Variants in ZEB1 observed in about 807,000 individuals in gnomAD.
ZEB1 encodes zinc finger E-box-binding homeobox 1.
Under a neutral mutation model 84.9 loss-of-function variants are expected in ZEB1, and 21 were observed. The observed-to-expected ratio is 0.25, with a 90% confidence interval of 0.18 to 0.36. The LOEUF (loss-of-function observed/expected upper bound fraction) is 0.36, where lower values mean the gene tolerates loss of function less well. Ranked by LOEUF, ZEB1 falls within the 10% of genes least tolerant of loss-of-function variation. The probability of loss-of-function intolerance (pLI) is 1.00; values close to 1 mark genes in which losing one functional copy is unlikely to be tolerated. For synonymous variants in ZEB1, 420 were observed against 471.1 expected (o/e 0.89, Z 1.41); for missense variants, 1,104 against 1,330.2 (o/e 0.83, Z 2.65).
At chr10:31,476,444 T>G (rs2138246537) in intron 2 of ZEB1, among the ~76,000 whole-genome samples, 1 of 150,998 alleles carries the variant, frequency 6.6e-6, no homozygotes, top group East Asian at 1.9e-4. Flanking sequence ...AAATTATGAG[T>G]AAGGAAATTG....
At chr10:31,439,500 T>C (rs1389558098) in intron 1 of ZEB1, among the ~76,000 whole-genome samples, 2 of 152,170 alleles carry the variant, frequency 1.3e-5, no homozygotes, top group Admixed American at 1.3e-4. Context: ...TATCTAGGGA[T>C]TAGTATCTAC....
intron 1 of ZEB1, among the ~76,000 whole-genome samples, chr10:31,361,977 C>T (rs1387446203): frequency 1.3e-5 from 2 of 150,164 alleles, no homozygotes; most frequent in Admixed American, 6.6e-5. Context: ...AGGGCAGAGG[C>T]GCTCCTCATT....
intron 2 of ZEB1, among the ~76,000 whole-genome samples, chr10:31,473,597 C>A (rs1179114297): frequency 0.013 from 1,868 of 149,164 alleles, 42 homozygotes; most frequent in African/African-American, 0.043. Context: ...ATGCTCATGG[C>A]TAGGAAGAAT....
At chr10:31,447,773 G>A (rs1380626243) in intron 1 of ZEB1, among the ~76,000 whole-genome samples, 30 of 152,258 alleles carry the variant, frequency 2.0e-4, no homozygotes, top group East Asian at 3.9e-4. Flanking sequence ...GGTTTCTGCC[G>A]AGAGATCAGC....
intron 2 of ZEB1, among the ~76,000 whole-genome samples, chr10:31,469,832 A>G (rs1156262510): frequency 6.6e-6 from 1 of 152,298 alleles, no homozygotes; most frequent in Admixed American, 6.5e-5. Flanking sequence ...CTTTGAAGAG[A>G]GCAGTGGTTC....
chr10:31,442,407 G>A (rs896094527), intron 1 of ZEB1, among the ~76,000 whole-genome samples: 15 of 151,902 alleles, frequency 9.9e-5, no homozygotes, highest in Non-Finnish European at 1.3e-4. Context: ...GGGGTCTGTC[G>A]TGGCATGGGG....
intron 1 of ZEB1, among the ~76,000 whole-genome samples, chr10:31,412,897 T>C (rs1415310387): frequency 6.6e-6 from 1 of 152,174 alleles, no homozygotes; most frequent in Non-Finnish European, 1.5e-5. Context: ...GAAGTATAAC[T>C]AACTGAGAGA....
At chr10:31,353,015 A>G (rs1422471473) in intron 1 of ZEB1, among the ~76,000 whole-genome samples, 1 of 152,228 alleles carries the variant, frequency 6.6e-6, no homozygotes, top group African/African-American at 2.4e-5. Context: ...TGCCATTACC[A>G]CATTTCAGAA....
At chr10:31,441,914 A>G (rs201226895) in intron 1 of ZEB1, among the ~76,000 whole-genome samples, 22 of 152,194 alleles carry the variant, frequency 1.4e-4, no homozygotes, top group African/African-American at 2.4e-4. Context: ...AACAACAGGT[A>G]CTGGAGAGGA....
rs536533322 is a variant in ZEB1 at position 31,350,706 on chromosome 10, G to A, written c.58+31414G>A. On this transcript the variant is annotated intron_variant, in intron 1 of 8. Transcript: ENST00000424869. Reference sequence around the variant, plus strand: ...GTAGTTTGTTAATTCCTAATAGCCTGTGATGAAAGTTATTATCTGGGGTTT... The same window carrying A: ...GTAGTTTGTTAATTCCTAATAGCCTATGATGAAAGTTATTATCTGGGGTTT... Among the ~76,000 whole-genome samples the A allele has an allele frequency of 8.5e-5, 13 of 152,236 alleles. No homozygotes were observed. In the East Asian group the frequency reaches 2.3e-3, roughly 27 times the overall value.
intron 1 of ZEB1, among the ~76,000 whole-genome samples, chr10:31,423,295 C>A (rs1008090486): frequency 1.3e-5 from 2 of 152,030 alleles, no homozygotes; most frequent in African/African-American, 4.8e-5. Flanking sequence ...TAATTTACCA[C>A]AATTAACTAA....
intron 1 of ZEB1, among the ~76,000 whole-genome samples, chr10:31,449,215 G>T (rs979767094): frequency 6.6e-6 from 1 of 152,216 alleles, no homozygotes. Flanking sequence ...CTCGGAAAGG[G>T]AACTCCCTGA....
At chr10:31,465,053 T>A (rs913459193) in intron 2 of ZEB1, among the ~76,000 whole-genome samples, 1 of 152,150 alleles carries the variant, frequency 6.6e-6, no homozygotes, top group Non-Finnish European at 1.5e-5. Context: ...TAACTTAATT[T>A]TACATTTTAA....
intron 2 of ZEB1, among the ~76,000 whole-genome samples, chr10:31,475,503 T>G (rs771210788): frequency 2.6e-5 from 4 of 152,138 alleles, no homozygotes; most frequent in Non-Finnish European, 4.4e-5. Context: ...CATTAGGCTA[T>G]TCAAAGTCAA....
intron 1 of ZEB1, among the ~76,000 whole-genome samples, chr10:31,366,530 A>G (rs1407801321): frequency 4.6e-5 from 7 of 152,196 alleles, no homozygotes; most frequent in African/African-American, 1.4e-4. Flanking sequence ...AACATACCCC[A>G]TGATGTACAC....
At chr10:31,325,843 GAC>G (rs1400042831) in intron 1 of ZEB1, among the ~76,000 whole-genome samples, 1 of 151,552 alleles carries the variant, frequency 6.6e-6, no homozygotes, top group African/African-American at 2.4e-5. Context: ...AATAAAATAT[GAC>G]ACCATTATTT....
chr10:31,438,691 A>G (rs2058555011), intron 1 of ZEB1, among the ~76,000 whole-genome samples: 1 of 152,164 alleles, frequency 6.6e-6, no homozygotes. Context: ...AATTTTCTTT[A>G]AATTACCTGG....
chr10:31,398,991 C>CTTTT (rs34530318), intron 1 of ZEB1, among the ~76,000 whole-genome samples: 1 of 133,142 alleles, frequency 7.5e-6, no homozygotes, highest in Admixed American at 7.5e-5. Context: ...GTCCTTTAGT[C>CTTTT]TTTTTTTTTT....
intron 2 of ZEB1, among the ~76,000 whole-genome samples, chr10:31,475,051 G>T (rs867753026): frequency 6.7e-6 from 1 of 148,812 alleles, no homozygotes; most frequent in African/African-American, 2.5e-5. Context: ...TCACACTCTG[G>T]GGACTGTTGT....
Sources: gnomAD v4.1 joint callset for allele counts (sites outside exome capture counted in the v4.1 genomes callset) on GRCh38, gnomAD v4.1.1 for gene constraint, MANE v1.5 for transcripts, NCBI Gene and HGNC (gene_info 2026-07-23, HGNC 2026-07-21) for gene names.